The following NALF1 variants were observed in gnomAD, a reference collection of about 807,000 sequenced individuals.
NALF1 encodes NALCN channel auxiliary factor 1, also known as family with sequence similarity 155 member A.
NALF1 carries 3 observed loss-of-function variants against 48.4 expected under a neutral mutation model. The ratio of observed to expected loss-of-function variants is 0.06; its 90% CI spans 0.03 to 0.16. NALF1 has a LOEUF of 0.16. Among genes scored for constraint, NALF1 ranks in the 10% least tolerant of loss-of-function variants. The probability of loss-of-function intolerance (pLI) is 1.00; values close to 1 mark genes in which losing one functional copy is unlikely to be tolerated. For missense variants in NALF1, 526 were observed against 571.5 expected, an observed-to-expected ratio of 0.92 and a Z score of 0.81; for synonymous variants, 262 against 245.7, an observed-to-expected ratio of 1.07 and a Z score of -0.62.
At chr13:107,643,095 C>A (rs1051053838) in intron 1 of NALF1, among the ~76,000 whole-genome samples, 1 of 152,060 alleles carries the variant, frequency 6.6e-6, no homozygotes, top group Non-Finnish European at 1.5e-5. Context: ...GTTAGGGGCA[C>A]CCAGCCAAAG....
At chr13:107,716,989 GATC>G (rs1307860351) in intron 1 of NALF1, among the ~76,000 whole-genome samples, 1 of 152,162 alleles carries the variant, frequency 6.6e-6, no homozygotes, top group African/African-American at 2.4e-5. Flanking sequence ...TAAACTTAAA[GATC>G]ATCTCTTCCA....
chr13:107,865,785 T>C lies in NALF1; in HGVS notation c.812A>G (p.Tyr271Cys). The C allele has an allele frequency of 1.2e-6, 2 of 1,614,126 alleles. No homozygotes were observed. Among genetic ancestry groups the C allele is most frequent in the South Asian group, 1.1e-5 (1 of 91,068 alleles). The change falls in exon 1 of 3, where the codon TAT becomes TGT. Residue 271 changes from tyrosine to cysteine, a missense_variant. Physicochemically the swap from Tyr to Cys is radical, Grantham distance 194. This residue lies in a region of NALF1 where 373 missense variants were observed against 355.5 expected (regional missense o/e 1.05). Coordinates refer to ENST00000375915, the MANE Select transcript of NALF1 (RefSeq NM_001080396.3). ...CRQCVEAYQDYDHHAQEKYEE... is the reference protein window; with the variant it reads ...CRQCVEAYQDCDHHAQEKYEE... ...GTATTTCTCCTGAGCATGGTGGTCA[T>C]AGTCCTGGTAAGCCTCGACGCACTG... is the stretch of plus-strand genomic sequence containing the variant.
At chr13:107,322,284 C>A (rs906575743) in intron 1 of NALF1, among the ~76,000 whole-genome samples, 3 of 152,144 alleles carry the variant, frequency 2.0e-5, no homozygotes, top group Non-Finnish European at 4.4e-5. Context: ...ACATACATAT[C>A]TATCTCTTAT....
At chr13:107,364,745 G>A (rs1883121469) in intron 1 of NALF1, among the ~76,000 whole-genome samples, 1 of 152,090 alleles carries the variant, frequency 6.6e-6, no homozygotes, top group Non-Finnish European at 1.5e-5. Flanking sequence ...AATACAGAAA[G>A]GGGGTCAGAC....
chr13:107,805,930 C>A (rs1878772081), intron 1 of NALF1, among the ~76,000 whole-genome samples: 1 of 152,046 alleles, frequency 6.6e-6, no homozygotes, highest in African/African-American at 2.4e-5. Flanking sequence ...AAAGGTCAAT[C>A]CCAACATCTG....
intron 1 of NALF1, among the ~76,000 whole-genome samples, chr13:107,415,360 C>T (rs1594050816): frequency 6.7e-6 from 1 of 150,006 alleles, no homozygotes; most frequent in Non-Finnish European, 1.5e-5. Flanking sequence ...AAGGACAAAC[C>T]GAGGGCCATA....
chr13:107,371,528 G>A (rs1255079961), intron 1 of NALF1, among the ~76,000 whole-genome samples: 2 of 152,074 alleles, frequency 1.3e-5, no homozygotes, highest in African/African-American at 4.8e-5. Context: ...AACAGCAAAG[G>A]TGGTACTTCA....
At chr13:107,455,926 A>C (rs537334571) in intron 1 of NALF1, among the ~76,000 whole-genome samples, 1 of 152,180 alleles carries the variant, frequency 6.6e-6, no homozygotes, top group Non-Finnish European at 1.5e-5. Flanking sequence ...TTACCCATTG[A>C]AAGGTATTTT....
At chr13:107,816,316 G>A (rs549044856) in intron 1 of NALF1, among the ~76,000 whole-genome samples, 78 of 152,272 alleles carry the variant, frequency 5.1e-4, no homozygotes, top group African/African-American at 1.7e-3. Context: ...AGACATATAC[G>A]AGGCTGCGAA....
At chr13:107,573,937 G>C (rs1594136987) in intron 1 of NALF1, among the ~76,000 whole-genome samples, 2 of 152,180 alleles carry the variant, frequency 1.3e-5, no homozygotes, top group East Asian at 3.9e-4. Flanking sequence ...ACCCAGTCTT[G>C]GGTATGTCTT....
chr13:107,267,615 G>A (rs1035356771), intron 1 of NALF1, among the ~76,000 whole-genome samples: 2 of 152,140 alleles, frequency 1.3e-5, no homozygotes, highest in Non-Finnish European at 2.9e-5. Context: ...AACCACAGAT[G>A]GTACTGAATC....
intron 1 of NALF1, among the ~76,000 whole-genome samples, chr13:107,330,278 G>GTCTA (rs1268525992): frequency 6.6e-6 from 1 of 152,184 alleles, no homozygotes. Flanking sequence ...TTGAAACGTT[G>GTCTA]TCTACTTGAT....
intron 1 of NALF1, among the ~76,000 whole-genome samples, chr13:107,631,633 G>A (rs866793971): frequency 3.3e-5 from 5 of 151,990 alleles, no homozygotes; most frequent in African/African-American, 4.8e-5. Flanking sequence ...AGCAGGACTC[G>A]CTCCTGAAAA....
intron 1 of NALF1, among the ~76,000 whole-genome samples, chr13:107,317,252 T>A (rs1008455246): frequency 3.3e-5 from 5 of 152,098 alleles, no homozygotes; most frequent in African/African-American, 1.2e-4. Flanking sequence ...GACCCATGCA[T>A]AAAATCATTT....
intron 1 of NALF1, among the ~76,000 whole-genome samples, chr13:107,314,709 GTCTTTCACC>G (rs1410728936): frequency 6.6e-6 from 1 of 152,116 alleles, no homozygotes; most frequent in Non-Finnish European, 1.5e-5. Flanking sequence ...GGGTTTCATT[GTCTTTCACC>G]CATTTATGTT....
chr13:107,313,707 T>C (rs569108717), intron 1 of NALF1, among the ~76,000 whole-genome samples: 1 of 152,286 alleles, frequency 6.6e-6, no homozygotes, highest in East Asian at 1.9e-4. Flanking sequence ...GACTAAGGCA[T>C]AAGTGACTAT....
At chr13:107,716,002 A>C (rs763207111) in intron 1 of NALF1, among the ~76,000 whole-genome samples, 2 of 152,202 alleles carry the variant, frequency 1.3e-5, no homozygotes, top group Middle Eastern at 3.4e-3. Flanking sequence ...GCTAAGTTCG[A>C]TGTATGGAAC....
At chr13:107,469,770 G>A (rs1330382735) in intron 1 of NALF1, among the ~76,000 whole-genome samples, 2 of 107,824 alleles carry the variant, frequency 1.9e-5, no homozygotes, top group Admixed American at 1.2e-4. Flanking sequence ...TTGAGACAGC[G>A]TCTCGCTCTG....
chr13:107,171,397 G>C (rs1053956072), intron 2 of NALF1, among the ~76,000 whole-genome samples: 1 of 152,168 alleles, frequency 6.6e-6, no homozygotes, highest in Non-Finnish European at 1.5e-5. Context: ...ACAGAAGTCT[G>C]CCTCAGTTGA....
Sources: allele counts gnomAD v4.1 joint callset (sites outside exome capture counted in the v4.1 genomes callset), GRCh38; gene constraint gnomAD v4.1.1; regional missense constraint gnomAD v4.1.1; transcripts MANE v1.5; gene names NCBI Gene and HGNC (gene_info 2026-07-23, HGNC 2026-07-21).